CCDC50: variants seen among roughly 807,000 people sequenced by gnomAD.
The protein encoded by CCDC50 is coiled-coil domain containing 50.
CCDC50 carries 54 observed loss-of-function variants against 70.2 expected under a neutral mutation model. That is an observed-to-expected ratio of 0.77 (90% CI 0.62 to 0.96). The LOEUF (loss-of-function observed/expected upper bound fraction) is 0.96, where lower values mean the gene tolerates loss of function less well. Among genes scored for constraint, CCDC50 ranks in the 50% least tolerant of loss-of-function variants. The pLI is 0.00. For synonymous variants in CCDC50, 216 were observed against 198.8 expected, an observed-to-expected ratio of 1.09 and a Z score of -0.73; for missense variants, 558 against 578.7, an observed-to-expected ratio of 0.96 and a Z score of 0.37.
intron 4 of CCDC50, among the ~76,000 whole-genome samples, chr3:191,369,138 A>G (rs1023248788): frequency 7.2e-5 from 11 of 151,940 alleles, no homozygotes; most frequent in African/African-American, 1.5e-4. Flanking sequence ...TTCTTTTTCA[A>G]CTTTGCCTGT....
chr3:191,336,191 A>G (rs1325267466), intron 1 of CCDC50, among the ~76,000 whole-genome samples: 1 of 151,004 alleles, frequency 6.6e-6, no homozygotes, highest in Non-Finnish European at 1.5e-5. Flanking sequence ...TTTCCCTCGA[A>G]TGGACTTTCT....
chr3:191,353,383 A>G lies in CCDC50; in HGVS notation c.50-3705A>G, dbSNP rs537574006. Among the ~76,000 whole-genome samples, 13 of 142,084 alleles carry G rather than the reference A, an allele frequency of 9.1e-5. 1 individual carries two copies. Among genetic ancestry groups the G allele is most frequent in the African/African-American group, 2.8e-4 (11 of 39,928 alleles). The allele number at this position is 142,084 out of a possible 152,430, so 93.2% of individuals were successfully genotyped here. A position where few individuals can be genotyped will look rare whatever the true frequency, so the allele number is the denominator to read the frequency against. On this transcript the variant is annotated intron_variant, in intron 1 of 11. Transcript: ENST00000392455. ...GAGTTCTGAATGAGTGAAGGTGAAC[A>G]TGGGAGGCAAAAAGTTTGAGAAATG...
intron 5 of CCDC50, chr3:191,370,272 G>C: frequency 2.6e-6 from 1 of 390,988 alleles, no homozygotes; most frequent in Non-Finnish European, 4.9e-6. Flanking sequence ...GTGCAGGTTT[G>C]TTACATATAG....
intron 1 of CCDC50, among the ~76,000 whole-genome samples, chr3:191,343,819 A>G (rs1711816935): frequency 6.6e-6 from 1 of 152,214 alleles, no homozygotes; most frequent in Non-Finnish European, 1.5e-5. Context: ...GGGTTTATTC[A>G]GTACCAGTTG....
At chr3:191,374,328 G>A (rs983630509) in intron 5 of CCDC50, among the ~76,000 whole-genome samples, 5 of 152,070 alleles carry the variant, frequency 3.3e-5, no homozygotes, top group Admixed American at 6.6e-5. Context: ...TTTAGGAAGC[G>A]ACTCCTTTTT....
chr3:191,382,528 GC>G (rs1251488730), intron 9 of CCDC50, among the ~76,000 whole-genome samples: 1 of 152,058 alleles, frequency 6.6e-6, no homozygotes, highest in African/African-American at 2.4e-5. Flanking sequence ...TTCCATGTAA[GC>G]CCAAAGCCTA....
At chr3:191,330,042 C>G (rs1717911792) in intron 1 of CCDC50, among the ~76,000 whole-genome samples, 1 of 151,748 alleles carries the variant, frequency 6.6e-6, no homozygotes, top group Non-Finnish European at 1.5e-5. Flanking sequence ...CCGGGTGAAT[C>G]TGACTTACTC....
chr3:191,340,607 A>G (rs893279789), intron 1 of CCDC50, among the ~76,000 whole-genome samples: 1 of 152,204 alleles, frequency 6.6e-6, no homozygotes, highest in African/African-American at 2.4e-5. Flanking sequence ...TAATCTTCAC[A>G]TAGAATTCTA....
chr3:191,374,952 T>G, intron 5 of CCDC50, 110 bp from the exon 6 acceptor site: 2 of 1,154,254 alleles, frequency 1.7e-6, no homozygotes, highest in Non-Finnish European at 2.5e-6. Flanking sequence ...TTTTCTCCAT[T>G]TTTAAAGTAC....
chr3:191,379,344 C>G (rs1713227454), intron 6 of CCDC50, among the ~76,000 whole-genome samples: 1 of 152,096 alleles, frequency 6.6e-6, no homozygotes, highest in Admixed American at 6.6e-5. Flanking sequence ...AGTACATTTT[C>G]TTTCTCCTCT....
At chr3:191,360,394 T>C (rs1712442328) in intron 3 of CCDC50, among the ~76,000 whole-genome samples, 2 of 152,344 alleles carry the variant, frequency 1.3e-5, no homozygotes, top group African/African-American at 4.8e-5. Context: ...TTCTACTTTC[T>C]TCCCACTTAT....
In CCDC50 at chr3:191,386,173, T is replaced by A. The variant is rs374796218; in HGVS notation, c.1323-3323T>A. Among the ~76,000 whole-genome samples the A allele has an allele frequency of 6.6e-5, 10 of 151,552 alleles. No homozygotes were observed. In the East Asian group the frequency reaches 1.8e-3, roughly 27 times the overall value. Reference sequence around the variant, plus strand: ...GCAAAAAGTGACGTTGGTAATTTGATAAGAAGTTGTTGCATCTGTGGATTG... The same window carrying A: ...GCAAAAAGTGACGTTGGTAATTTGAAAAGAAGTTGTTGCATCTGTGGATTG... On this transcript the variant is annotated intron_variant, in intron 10 of 11. Transcript: ENST00000392455.
At chr3:191,358,809 T>C (rs1329047892) in intron 3 of CCDC50, among the ~76,000 whole-genome samples, 2 of 152,216 alleles carry the variant, frequency 1.3e-5, no homozygotes, top group African/African-American at 4.8e-5. Flanking sequence ...TGGGTAGATT[T>C]AACCACAGAT....
At chr3:191,375,634 A>C in intron 6 of CCDC50, 45 bp downstream of exon 6, 1 of 1,589,166 alleles carries the variant, frequency 6.3e-7, no homozygotes, top group Non-Finnish European at 8.6e-7. Flanking sequence ...TCATGTATAT[A>C]ACTACAAACC....
chr3:191,367,504 C>T (rs576663286), intron 4 of CCDC50, among the ~76,000 whole-genome samples: 11 of 152,140 alleles, frequency 7.2e-5, no homozygotes, highest in East Asian at 5.8e-4. Context: ...AAGTTAGACA[C>T]GGTTTTAAGA....
At chr3:191,376,316 T>C (rs1182152817) in intron 6 of CCDC50, among the ~76,000 whole-genome samples, 1 of 152,190 alleles carries the variant, frequency 6.6e-6, no homozygotes, top group East Asian at 1.9e-4. Flanking sequence ...GTTGGTGTTC[T>C]AAAGTACCAA....
Position 191,382,835 on chromosome 3 carries a change from C to T in CCDC50, c.1322+10C>T. 6.3e-7 allele frequency: 1 copy of T among 1,595,438 alleles called. No homozygotes were observed. Among genetic ancestry groups the T allele is most frequent in the Non-Finnish European group, 8.6e-7 (1 of 1,163,386 alleles). On this transcript the variant is annotated intron_variant, in intron 10 of 11. Coordinates refer to ENST00000392455, the MANE Select transcript of CCDC50 (RefSeq NM_178335.3). ...ATGAAAGGCCAGCACGGTAAGCTGA[C>T]ACCTGAAAAGAAAAATGAGGAAGTT... is the stretch of plus-strand genomic sequence containing the variant.
chr3:191,378,369 GAA>G (rs1019574280), intron 6 of CCDC50, among the ~76,000 whole-genome samples: 1 of 152,050 alleles, frequency 6.6e-6, no homozygotes, highest in Non-Finnish European at 1.5e-5. Context: ...AACTGAAAGT[GAA>G]AAATCTTCTT....
chr3:191,361,494 G>T (rs927884335), intron 4 of CCDC50, among the ~76,000 whole-genome samples: 5 of 152,180 alleles, frequency 3.3e-5, no homozygotes, highest in African/African-American at 4.8e-5. Context: ...TGTTGGCAGG[G>T]TCACGCTACC....
Sources: gnomAD v4.1 joint callset for allele counts (sites outside exome capture counted in the v4.1 genomes callset) on GRCh38, gnomAD v4.1.1 for gene constraint, MANE v1.5 for transcripts, NCBI Gene and HGNC (gene_info 2026-07-23, HGNC 2026-07-21) for gene names.